Variants in TANC2 observed in about 807,000 individuals in gnomAD.
TANC2 encodes protein TANC2.
A neutral mutation model predicts 210.5 loss-of-function variants in TANC2; 26 were observed. The observed-to-expected ratio is 0.12, with a 90% CI of 0.09 to 0.17. TANC2 has a LOEUF of 0.17. Among genes scored for constraint, TANC2 ranks in the 10% least tolerant of loss-of-function variants. The pLI, the probability that TANC2 is intolerant of heterozygous loss-of-function variation, is 1.00. For missense variants in TANC2, 2,129 were observed against 2,608.9 expected, an observed-to-expected ratio of 0.82 and a Z score of 4.01; for synonymous variants, 931 against 967.1, an observed-to-expected ratio of 0.96 and a Z score of 0.69.
intron 2 of TANC2, among the ~76,000 whole-genome samples, chr17:63,048,950 TA>T (rs1320569172): frequency 6.6e-6 from 1 of 152,114 alleles, no homozygotes; most frequent in Admixed American, 6.6e-5. Flanking sequence ...AAACCTAAAA[TA>T]AAAGATAAGG....
chr17:63,186,819 AAATT>A (rs2041005457), intron 5 of TANC2, among the ~76,000 whole-genome samples: 1 of 152,210 alleles, frequency 6.6e-6, no homozygotes, highest in African/African-American at 2.4e-5. Context: ...CAAGAACTAC[AAATT>A]TAAATAGTTT....
intron 5 of TANC2, among the ~76,000 whole-genome samples, chr17:63,171,523 A>T (rs1031702356): frequency 2.6e-5 from 4 of 152,194 alleles, no homozygotes; most frequent in African/African-American, 7.2e-5. Flanking sequence ...CAGAAAAAAA[A>T]TTTTAATAGA....
chr17:62,991,196 T>C (rs534935399), intron 1 of TANC2, among the ~76,000 whole-genome samples: 16 of 152,244 alleles, frequency 1.1e-4, no homozygotes, highest in Non-Finnish European at 1.8e-4. Context: ...TGGGAAAAAT[T>C]AGTAAATACA....
intron 1 of TANC2, among the ~76,000 whole-genome samples, chr17:62,989,359 C>T (rs1022234317): frequency 1.3e-5 from 2 of 152,136 alleles, no homozygotes; most frequent in Non-Finnish European, 2.9e-5. Context: ...AGAGAAGTGT[C>T]GCTGAGTGCA....
At chr17:63,380,571 T>G (rs2047573748) in intron 15 of TANC2, among the ~76,000 whole-genome samples, 1 of 152,260 alleles carries the variant, frequency 6.6e-6, no homozygotes, top group South Asian at 2.1e-4. Flanking sequence ...AGAAGGAAGT[T>G]ACTGTGCTAA....
intron 5 of TANC2, among the ~76,000 whole-genome samples, chr17:63,166,331 TAGAG>T (rs1269963343): frequency 6.6e-6 from 1 of 150,744 alleles, no homozygotes; most frequent in East Asian, 2.0e-4. Flanking sequence ...GAGAGAGAGA[TAGAG>T]ATTGTTTGGA....
intron 2 of TANC2, among the ~76,000 whole-genome samples, chr17:63,042,708 A>G (rs1274030741): frequency 6.6e-6 from 1 of 152,124 alleles, no homozygotes; most frequent in African/African-American, 2.4e-5. Context: ...TTGTCTTTGT[A>G]ATTTTAAGAC....
intron 9 of TANC2, among the ~76,000 whole-genome samples, chr17:63,295,725 C>T (rs1354569223): frequency 6.6e-6 from 1 of 152,146 alleles, no homozygotes; most frequent in Non-Finnish European, 1.5e-5. Flanking sequence ...AGAACAAATA[C>T]AACATAATAT....
chr17:63,147,315 A>C (rs2039496362), intron 4 of TANC2, among the ~76,000 whole-genome samples: 1 of 152,088 alleles, frequency 6.6e-6, no homozygotes, highest in South Asian at 2.1e-4. Context: ...ACACCACTGC[A>C]CTCTCGCCTG....
chr17:63,227,028 A>G (rs578074348), intron 7 of TANC2, among the ~76,000 whole-genome samples: 1 of 152,048 alleles, frequency 6.6e-6, no homozygotes, highest in Admixed American at 6.6e-5. Context: ...TTTATTCCAT[A>G]TCTTTGCTAT....
chr17:63,299,029 T>C (rs2044625293), intron 9 of TANC2, among the ~76,000 whole-genome samples: 4 of 152,158 alleles, frequency 2.6e-5, no homozygotes, highest in Non-Finnish European at 4.4e-5. Flanking sequence ...AGTGTTTGGT[T>C]TTCTGTTCCT....
chr17:63,127,815 G>A (rs1278891195), intron 4 of TANC2, among the ~76,000 whole-genome samples: 1 of 152,190 alleles, frequency 6.6e-6, no homozygotes, highest in African/African-American at 2.4e-5. Flanking sequence ...CACACTGTGA[G>A]CTAACTCTAC....
At chr17:63,055,547 TTTAAC>T (rs1408520168) in intron 2 of TANC2, among the ~76,000 whole-genome samples, 1 of 152,114 alleles carries the variant, frequency 6.6e-6, no homozygotes, top group African/African-American at 2.4e-5. Context: ...GAAGTAAGTC[TTTAAC>T]TTAAGTTTGA....
chr17:63,203,752 C>G (rs1369529663), intron 7 of TANC2, among the ~76,000 whole-genome samples: 1 of 151,618 alleles, frequency 6.6e-6, no homozygotes, highest in Non-Finnish European at 1.5e-5. Context: ...ATTCAAAGAG[C>G]AGGGAATTGG....
chr17:63,286,168 A>AT (rs1598776099), intron 9 of TANC2, among the ~76,000 whole-genome samples: 1 of 152,152 alleles, frequency 6.6e-6, no homozygotes, highest in East Asian at 1.9e-4. Context: ...AATCTTATGT[A>AT]TTTATCCATG....
At chr17:62,978,886 A>G (rs925782378) in intron 1 of TANC2, 20 of 152,132 alleles carry the variant, frequency 1.3e-4, no homozygotes, top group African/African-American at 4.1e-4. Context: ...GAGACTGGAA[A>G]AAAGAGCCCC....
At chr17:63,315,335 T>C (rs2045280990) in intron 10 of TANC2, among the ~76,000 whole-genome samples, 2 of 152,208 alleles carry the variant, frequency 1.3e-5, no homozygotes, top group South Asian at 2.1e-4. Context: ...AATGAGGTTG[T>C]CTTCATTTCA....
intron 2 of TANC2, among the ~76,000 whole-genome samples, chr17:63,038,388 GTTC>G (rs1329132526): frequency 6.6e-6 from 1 of 151,990 alleles, no homozygotes; most frequent in Admixed American, 6.6e-5. Flanking sequence ...ATAGTTTGTT[GTTC>G]TTTTTCTACA....
chr17:63,299,020 G>T (rs1466962528), intron 9 of TANC2, among the ~76,000 whole-genome samples: 2 of 152,116 alleles, frequency 1.3e-5, no homozygotes, highest in African/African-American at 2.4e-5. Context: ...AGAACATGCA[G>T]TGTTTGGTTT....
Sources: allele counts gnomAD v4.1 joint callset (sites outside exome capture counted in the v4.1 genomes callset), GRCh38; gene constraint gnomAD v4.1.1; transcripts MANE v1.5; gene names NCBI Gene and HGNC (gene_info 2026-07-23, HGNC 2026-07-21).